The following BRWD1 variants were observed in gnomAD, a reference collection of about 807,000 sequenced individuals.
BRWD1 encodes the protein bromodomain and WD repeat-containing protein 1.
In BRWD1, 82 loss-of-function variants were observed where a neutral mutation model predicts 251.2. That is an observed-to-expected ratio of 0.33 (90% CI 0.27 to 0.39). The LOEUF (loss-of-function observed/expected upper bound fraction) is 0.39. BRWD1 is among the 10% of genes least tolerant of loss of function. BRWD1 has a pLI of 1.00. For missense variants in BRWD1, 2,233 were observed against 2,711.6 expected, an observed-to-expected ratio of 0.82 and a Z score of 3.92; for synonymous variants, 918 against 902.8, an observed-to-expected ratio of 1.02 and a Z score of -0.30.
intron 36 of BRWD1, among the ~76,000 whole-genome samples, chr21:39,207,487 C>CACACACA (rs1453453078): frequency 6.4e-4 from 94 of 146,564 alleles, no homozygotes; most frequent in African/African-American, 2.3e-3. Context: ...CACACACAAA[C>CACACACA]AAAACTCCAA....
At chr21:39,243,019 T>C (rs570393887) in intron 21 of BRWD1, among the ~76,000 whole-genome samples, 56 of 152,254 alleles carry the variant, frequency 3.7e-4, no homozygotes, top group African/African-American at 1.2e-3. Context: ...TAACACCACA[T>C]CCATTCTGCA....
chr21:39,239,255 C>A (rs1056288827), intron 21 of BRWD1, among the ~76,000 whole-genome samples: 7 of 151,988 alleles, frequency 4.6e-5, no homozygotes. Flanking sequence ...AAGGTCAATG[C>A]CACACTCATG....
upstream of BRWD1, chr21:39,314,170 G>A (rs763198257): frequency 2.9e-5 from 13 of 455,878 alleles, no homozygotes; most frequent in Non-Finnish European, 5.7e-5. Context: ...TTTAAAGTGA[G>A]GATTGGCTCG....
intron 7 of BRWD1, 90 bp downstream of exon 7, chr21:39,295,653 G>T: frequency 9.2e-7 from 1 of 1,090,760 alleles, no homozygotes; most frequent in South Asian, 2.3e-5. Flanking sequence ...CTCTGAGGAT[G>T]GGAAACAGAA....
intron 10 of BRWD1, among the ~76,000 whole-genome samples, chr21:39,277,996 C>T (rs2035331097): frequency 6.6e-6 from 1 of 152,068 alleles, no homozygotes; most frequent in Non-Finnish European, 1.5e-5. Context: ...TACAGGTGTG[C>T]ACCATGCCCA....
intron 29 of BRWD1, among the ~76,000 whole-genome samples, chr21:39,218,939 C>A (rs2033062161): frequency 6.6e-6 from 1 of 152,068 alleles, no homozygotes; most frequent in South Asian, 2.1e-4. Flanking sequence ...GCAAACTTAA[C>A]CCTGAGGCCT....
rs371029008 is a variant in BRWD1 at position 39,198,936 on chromosome 21, G to T, written c.5480C>A (p.Ser1827Tyr). The change falls in exon 40 of 41, where the codon TCT (serine) becomes TAT (tyrosine). Residue 1827 changes from serine to tyrosine, a missense_variant. By Grantham distance (144) the Ser-to-Tyr change is moderately radical (BLOSUM62 -2). This residue lies in a region of BRWD1 where 928 missense variants were observed against 970.0 expected (regional missense o/e 0.96). Coordinates refer to ENST00000342449, the MANE Select transcript of BRWD1 (RefSeq NM_033656.4). ...CCCATCTTCTCTATCTTGCTCTTCA[G>T]ATTCAGAGTCTTCTGAGTCACTCAG... ...KILSDSEDSE[S>Y]EEQDREDGKC... 9 of 1,613,922 alleles carry T rather than the reference G, an allele frequency of 5.6e-6. No homozygotes were observed. The highest frequency in any genetic ancestry group is 7.6e-6 in the Non-Finnish European group (9 of 1,180,006).
chr21:39,198,292 CTTA>C (rs1003423416), intron 40 of BRWD1, among the ~76,000 whole-genome samples: 5 of 152,144 alleles, frequency 3.3e-5, no homozygotes, highest in Admixed American at 2.6e-4. Flanking sequence ...GACTAAACTG[CTTA>C]TTAATGGAAA....
chr21:39,317,438 A>G (rs1431228434), upstream of BRWD1, among the ~76,000 whole-genome samples: 1 of 152,266 alleles, frequency 6.6e-6, no homozygotes, highest in African/African-American at 2.4e-5. Context: ...CTGGATAAAC[A>G]GCTCTTAGAT....
chr21:39,236,833 T>C (rs1282353951), intron 22 of BRWD1, 49 bp from the exon 23 acceptor site: 3 of 1,478,698 alleles, frequency 2.0e-6, no homozygotes, highest in Non-Finnish European at 2.8e-6. Context: ...ATATAAGCAC[T>C]GATAGCAAGT....
chr21:39,223,474 T>C (rs372398386), intron 29 of BRWD1, among the ~76,000 whole-genome samples: 212 of 152,214 alleles, frequency 1.4e-3, no homozygotes, highest in African/African-American at 4.8e-3. Flanking sequence ...ACAAGAGATA[T>C]AGAGTACCCT....
Position 39,187,472 on chromosome 21 carries a change from T to G in BRWD1, c.*8787A>C, listed in dbSNP as rs1011999927. 2.0e-6 allele frequency: 3 copies of G among 1,504,850 alleles called. No individual in the cohort carries two copies. Among genetic ancestry groups the G allele is most frequent in the Non-Finnish European group, 2.7e-6 (3 of 1,131,090 alleles). 93.2% of individuals were successfully genotyped at this position (1,504,850 alleles called of 1,614,324 possible). ...GCAAAAATCTTGTAACACAAGATTTTACTACTGCTAACATTCCTCAACAAC... is the reference window on the plus strand; with the variant it reads ...GCAAAAATCTTGTAACACAAGATTTGACTACTGCTAACATTCCTCAACAAC... On this transcript the variant is annotated 3_prime_UTR_variant, in exon 41 of 41. Coordinates refer to ENST00000342449, the MANE Select transcript of BRWD1 (RefSeq NM_033656.4).
chr21:39,213,600 G>T, intron 32 of BRWD1, 47 bp from the exon 33 acceptor site: 2 of 1,280,272 alleles, frequency 1.6e-6, no homozygotes, highest in Non-Finnish European at 2.2e-6. Context: ...GTAGTGACTT[G>T]TTGGCAAGGA....
intron 40 of BRWD1, among the ~76,000 whole-genome samples, chr21:39,197,759 A>T (rs2031899847): frequency 6.6e-6 from 1 of 152,184 alleles, no homozygotes; most frequent in Non-Finnish European, 1.5e-5. Context: ...GGCAGTTGTC[A>T]CACAATGGTA....
At chr21:39,282,612 T>G (rs1211418747) in intron 8 of BRWD1, among the ~76,000 whole-genome samples, 2 of 152,032 alleles carry the variant, frequency 1.3e-5, no homozygotes, top group Admixed American at 1.3e-4. Flanking sequence ...ACAAAAAAAT[T>G]TTTTTTTAAT....
At chr21:39,280,412 T>G (rs978718244) in intron 8 of BRWD1, among the ~76,000 whole-genome samples, 164 bp from the exon 9 acceptor site, 5 of 152,182 alleles carry the variant, frequency 3.3e-5, no homozygotes, top group Admixed American at 6.6e-5. Context: ...CCTCTCCACA[T>G]TCATTTATAT....
chr21:39,270,381 C>T lies in BRWD1; in HGVS notation c.1297G>A (p.Ala433Thr), dbSNP rs1168300357. The T allele has an allele frequency of 6.2e-7, 1 of 1,612,410 alleles. No homozygotes were observed. The highest frequency in any genetic ancestry group is 8.5e-7 in the Non-Finnish European group (1 of 1,179,194). ...RFMKPKVTMI[A>T]WNQNDSIVVT... ...ACAATGCTATCATTTTGATTCCAAG[C>T]TATCATTGTTACTTTAGGTTTCATA... Residue 433 changes from alanine to threonine, a missense_variant, in exon 14 of 41, where the codon GCT becomes ACT. Around this residue, in one of 12 missense-constraint regions of BRWD1, gnomAD observed 315 missense variants for 421.8 expected, o/e 0.75. Transcript: ENST00000342449.
At chr21:39,301,978 G>GTT (rs750413248) in intron 4 of BRWD1, among the ~76,000 whole-genome samples, 26,850 of 79,366 alleles carry the variant, frequency 0.34, 5,095 homozygotes, top group Admixed American at 0.35. Context: ...AGCTTTGTGT[G>GTT]TTTTTTTTTT....
intron 7 of BRWD1, among the ~76,000 whole-genome samples, chr21:39,294,988 C>T (rs1488523656): frequency 6.6e-6 from 1 of 152,086 alleles, no homozygotes; most frequent in Admixed American, 6.5e-5. Flanking sequence ...TACTTGAACA[C>T]TAATGGGTTA....
Sources: allele counts gnomAD v4.1 joint callset (sites outside exome capture counted in the v4.1 genomes callset), GRCh38; gene constraint gnomAD v4.1.1; regional missense constraint gnomAD v4.1.1; transcripts MANE v1.5; gene names NCBI Gene and HGNC (gene_info 2026-07-23, HGNC 2026-07-21).